Variants in KIZ observed in about 807,000 individuals in gnomAD.
KIZ encodes the protein kizuna centrosomal protein, also known as centrosomal protein kizuna.
In KIZ, 68 loss-of-function variants were observed where a neutral mutation model predicts 79.6. The observed-to-expected ratio is 0.85, with a 90% CI of 0.70 to 1.05. KIZ has a LOEUF of 1.05. KIZ is among the 50% of genes least tolerant of loss of function. KIZ has a pLI of 0.00. For synonymous variants in KIZ, 280 were observed against 281.8 expected (o/e 0.99, Z 0.06); for missense variants, 797 against 800.4 (o/e 1.00, Z 0.05).
At chr20:21,244,189 T>A in intron 11 of KIZ, 56 bp from the exon 12 acceptor site, 2 of 1,234,006 alleles carry the variant, frequency 1.6e-6, no homozygotes, top group Non-Finnish European at 2.4e-6. Context: ...ATTATGAAAA[T>A]ATTAGTCTCA....
At chr20:21,132,798 C>T (rs2031936263) in intron 2 of KIZ, among the ~76,000 whole-genome samples, 1 of 152,128 alleles carries the variant, frequency 6.6e-6, no homozygotes, top group Admixed American at 6.5e-5. Flanking sequence ...AATTTAAACA[C>T]ATTGAGCTTG....
At chr20:21,236,143 C>G (rs1480746354) in intron 11 of KIZ, among the ~76,000 whole-genome samples, 1 of 152,184 alleles carries the variant, frequency 6.6e-6, no homozygotes, top group Non-Finnish European at 1.5e-5. Context: ...AGAACAATCG[C>G]TTGATTATTT....
intron 6 of KIZ, chr20:21,197,561 G>A (rs1228363046): frequency 6.6e-6 from 1 of 152,202 alleles, no homozygotes; most frequent in African/African-American, 2.4e-5. Flanking sequence ...GTGGAATGTG[G>A]AACGAGATTG....
intron 6 of KIZ, among the ~76,000 whole-genome samples, chr20:21,192,329 T>C (rs187868361): frequency 6.6e-6 from 1 of 150,944 alleles, no homozygotes; most frequent in African/African-American, 2.4e-5. Flanking sequence ...TTTGTTTGAT[T>C]ATTAGCGACT....
chr20:21,181,254 C>T (rs2034643353), intron 6 of KIZ, among the ~76,000 whole-genome samples: 2 of 152,298 alleles, frequency 1.3e-5, no homozygotes, highest in South Asian at 4.1e-4. Flanking sequence ...CTCACCTCTC[C>T]AGTCCGCACA....
intron 11 of KIZ, among the ~76,000 whole-genome samples, chr20:21,238,726 CTCACCGGA>C (rs1164828515): frequency 6.6e-6 from 1 of 152,164 alleles, no homozygotes; most frequent in Non-Finnish European, 1.5e-5. Flanking sequence ...TGTCAGTCTC[CTCACCGGA>C]GCGTGGGCAC....
intron 4 of KIZ, among the ~76,000 whole-genome samples, chr20:21,154,741 T>G (rs1418631350): frequency 6.6e-6 from 1 of 152,230 alleles, no homozygotes. Flanking sequence ...GGCATTCTGT[T>G]TTCAGCTTCC....
rs189188932 is a variant in KIZ, at chr20:21,226,267, T to A, written c.1679-2744T>A. On this transcript the variant is annotated intron_variant, in intron 9 of 12. Transcript: ENST00000619189. ...CTACAGGGCAGGCCCTTCCTGCTGC[T>A]CCTGCCTGGCCATAGTCACTTATTG... 3 of 152,502 alleles carry A rather than the reference T, an allele frequency of 2.0e-5. No individual in the cohort carries two copies. In the East Asian group the frequency reaches 5.8e-4, roughly 29 times the overall value. The allele number at this position is 152,502 out of a possible 1,614,324, so 9.4% of individuals were successfully genotyped here.
At chr20:21,235,731 A>G (rs568298670) in intron 11 of KIZ, among the ~76,000 whole-genome samples, 7 of 152,318 alleles carry the variant, frequency 4.6e-5, no homozygotes, top group African/African-American at 1.7e-4. Context: ...TGTGCTTGCA[A>G]CATAATTGCC....
chr20:21,214,080 AT>A (rs1018072036), intron 7 of KIZ: 15 of 153,444 alleles, frequency 9.8e-5, no homozygotes, highest in African/African-American at 3.4e-4. Flanking sequence ...GCAAGGTCAC[AT>A]CTTTCCGGAT....
intron 9 of KIZ, among the ~76,000 whole-genome samples, chr20:21,224,429 G>A (rs1258653280): frequency 6.6e-6 from 1 of 152,156 alleles, no homozygotes; most frequent in Non-Finnish European, 1.5e-5. Context: ...AACACACCTA[G>A]TACAATTTGA....
intron 6 of KIZ, among the ~76,000 whole-genome samples, chr20:21,185,897 G>A (rs2034858154): frequency 6.6e-6 from 1 of 151,836 alleles, no homozygotes; most frequent in Non-Finnish European, 1.5e-5. Context: ...TACATTCTAA[G>A]TTCATAGGAA....
At chr20:21,154,116 A>G (rs2033254591) in intron 4 of KIZ, 1 of 152,204 alleles carries the variant, frequency 6.6e-6, no homozygotes, top group African/African-American at 2.4e-5. Context: ...CAATAATTGT[A>G]CCATGTGAGA....
At chr20:21,142,052 C>T (rs906227228) in intron 3 of KIZ, among the ~76,000 whole-genome samples, 5 of 151,466 alleles carry the variant, frequency 3.3e-5, no homozygotes, top group African/African-American at 1.2e-4. Context: ...CATATCTTCC[C>T]ACTGTCTCTC....
intron 11 of KIZ, among the ~76,000 whole-genome samples, chr20:21,240,316 G>T (rs187849694): frequency 2.6e-5 from 4 of 152,148 alleles, no homozygotes; most frequent in African/African-American, 9.6e-5. Flanking sequence ...GTAGAGACAG[G>T]GTTTCACCAT....
intron 6 of KIZ, among the ~76,000 whole-genome samples, chr20:21,174,810 C>T (rs2034366481): frequency 6.6e-6 from 1 of 152,196 alleles, no homozygotes; most frequent in African/African-American, 2.4e-5. Context: ...AGCTCCTCTT[C>T]AAAGTTAAGT....
intron 9 of KIZ, among the ~76,000 whole-genome samples, chr20:21,222,681 C>A (rs1429631952): frequency 6.6e-6 from 1 of 152,166 alleles, no homozygotes; most frequent in African/African-American, 2.4e-5. Context: ...AAGGTGCTAG[C>A]CAGTGGCTCC....
intron 7 of KIZ, among the ~76,000 whole-genome samples, chr20:21,211,465 G>A (rs141303273): frequency 1.3e-5 from 2 of 152,244 alleles, no homozygotes; most frequent in East Asian, 3.9e-4. Flanking sequence ...TTCTCTTCTG[G>A]CCTCCGAAAA....
intron 7 of KIZ, among the ~76,000 whole-genome samples, chr20:21,206,677 C>G (rs3790141): frequency 0.58 from 87,655 of 152,026 alleles, 28,658 homozygotes; most frequent in African/African-American, 0.89. Context: ...TAGTTTTGTA[C>G]CTTTTGAAAA....
Sources: allele counts gnomAD v4.1 joint callset (sites outside exome capture counted in the v4.1 genomes callset), GRCh38; gene constraint gnomAD v4.1.1; transcripts MANE v1.5; gene names NCBI Gene and HGNC (gene_info 2026-07-23, HGNC 2026-07-21).